Variants in DPP10 observed in about 807,000 individuals in gnomAD.
DPP10 encodes dipeptidyl peptidase like 10.
DPP10 carries 33 observed loss-of-function variants against 120.9 expected under a neutral mutation model. That is an observed-to-expected ratio of 0.27 (90% CI 0.21 to 0.37). The LOEUF (loss-of-function observed/expected upper bound fraction) is 0.37, where lower values mean the gene tolerates loss of function less well. Ranked by LOEUF, DPP10 falls within the 10% of genes least tolerant of loss-of-function variation. DPP10 has a pLI of 1.00. For synonymous variants in DPP10, 337 were observed against 326.1 expected, an observed-to-expected ratio of 1.03 and a Z score of -0.36; for missense variants, 816 against 942.8, an observed-to-expected ratio of 0.87 and a Z score of 1.76.
chr2:115,715,187 A>G (rs1308331984), intron 7 of DPP10, among the ~76,000 whole-genome samples: 3 of 151,766 alleles, frequency 2.0e-5, no homozygotes, highest in Middle Eastern at 6.8e-3. Flanking sequence ...TAAAAACACA[A>G]AATTAGCTGG....
intron 1 of DPP10, among the ~76,000 whole-genome samples, chr2:114,808,893 T>A (rs1323819824): frequency 1.3e-5 from 2 of 152,182 alleles, no homozygotes; most frequent in Admixed American, 6.5e-5. Flanking sequence ...CTATTCTGTT[T>A]TCATCAGATC....
At chr2:115,067,906 TG>T (rs1707050802) in intron 1 of DPP10, among the ~76,000 whole-genome samples, 1 of 143,568 alleles carries the variant, frequency 7.0e-6, no homozygotes, top group Non-Finnish European at 1.5e-5. Context: ...TATTCCTGTG[TG>T]GGTGTGTGGG....
intron 7 of DPP10, among the ~76,000 whole-genome samples, chr2:115,718,957 C>T (rs2092574735): frequency 6.6e-6 from 1 of 152,070 alleles, no homozygotes; most frequent in African/African-American, 2.4e-5. Flanking sequence ...TTTTAAATAA[C>T]AGTTATAATA....
intron 5 of DPP10, among the ~76,000 whole-genome samples, chr2:115,552,333 A>G (rs1900749): frequency 0.21 from 31,491 of 152,070 alleles, 4,504 homozygotes; most frequent in African/African-American, 0.4. Context: ...TGTGTAGGCA[A>G]AGGACAAAGT....
At chr2:115,494,883 T>C (rs1471618726) in intron 3 of DPP10, among the ~76,000 whole-genome samples, 5 of 152,172 alleles carry the variant, frequency 3.3e-5, no homozygotes, top group African/African-American at 1.2e-4. Context: ...AGATAGATTA[T>C]ATATTTATTG....
intron 1 of DPP10, among the ~76,000 whole-genome samples, chr2:114,707,896 C>T (rs1700781839): frequency 6.6e-6 from 1 of 152,172 alleles, no homozygotes; most frequent in South Asian, 2.1e-4. Flanking sequence ...TACAAATTTC[C>T]AATCCCAGGG....
intron 1 of DPP10, among the ~76,000 whole-genome samples, chr2:115,154,879 G>A (rs1447154371): frequency 6.6e-6 from 1 of 151,356 alleles, no homozygotes; most frequent in Non-Finnish European, 1.5e-5. Context: ...AAAAAATTGC[G>A]GTTTTGCCAT....
chr2:115,255,207 C>T (rs867823673), intron 1 of DPP10, among the ~76,000 whole-genome samples: 2 of 152,206 alleles, frequency 1.3e-5, no homozygotes, highest in Non-Finnish European at 2.9e-5. Context: ...TGTGCACCTG[C>T]AGGCTCAACA....
intron 3 of DPP10, among the ~76,000 whole-genome samples, chr2:115,415,256 T>C (rs1466222938): frequency 6.6e-6 from 1 of 152,150 alleles, no homozygotes; most frequent in Non-Finnish European, 1.5e-5. Context: ...GCCAGTTTCA[T>C]TGTTTATGAT....
At chr2:115,024,070 G>T (rs1703273321) in intron 1 of DPP10, among the ~76,000 whole-genome samples, 1 of 152,032 alleles carries the variant, frequency 6.6e-6, no homozygotes, top group Admixed American at 6.6e-5. Flanking sequence ...CACTGCTTGG[G>T]TGATGGGTGC....
At chr2:115,506,239 G>C (rs1467340134) in intron 4 of DPP10, among the ~76,000 whole-genome samples, 1 of 151,984 alleles carries the variant, frequency 6.6e-6, no homozygotes. Context: ...ATAGTATATT[G>C]GAAATATATT....
intron 21 of DPP10, among the ~76,000 whole-genome samples, chr2:115,822,344 A>G (rs1225671762): frequency 6.6e-6 from 1 of 151,964 alleles, no homozygotes; most frequent in Admixed American, 6.6e-5. Flanking sequence ...ATCATATCTT[A>G]ACATCAGATA....
At chr2:115,790,376 G>T (rs927064075) in intron 17 of DPP10, among the ~76,000 whole-genome samples, 2 of 152,162 alleles carry the variant, frequency 1.3e-5, no homozygotes, top group African/African-American at 4.8e-5. Flanking sequence ...ACCGCGCCCG[G>T]CCTAGAAGGC....
intron 1 of DPP10, among the ~76,000 whole-genome samples, chr2:115,252,839 T>A (rs1183378020): frequency 6.6e-6 from 1 of 152,232 alleles, no homozygotes; most frequent in African/African-American, 2.4e-5. Flanking sequence ...AAATCTCTCT[T>A]CTAACCCTCT....
At chr2:115,702,741 T>A (rs2091943269) in intron 7 of DPP10, among the ~76,000 whole-genome samples, 1 of 152,082 alleles carries the variant, frequency 6.6e-6, no homozygotes, top group South Asian at 2.1e-4. Context: ...TGGGACTTCT[T>A]TTTGAGATAA....
Position 115,529,293 on chromosome 2 carries a change from C to T in DPP10, c.441+3321C>T, listed in dbSNP as rs555972449. Among the ~76,000 whole-genome samples the T allele has an allele frequency of 5.3e-5, 8 of 151,928 alleles. No individual in the cohort carries two copies. The East Asian group carries it at 1.6e-3, about 30-fold the overall frequency. Reference sequence around the variant, plus strand: ...CAAGTGATTCTCTTGCCTCAGCCTCCTGAGTAGCTGGGATTACAGGCATGC... The same window carrying T: ...CAAGTGATTCTCTTGCCTCAGCCTCTTGAGTAGCTGGGATTACAGGCATGC... On this transcript the variant is annotated intron_variant, in intron 5 of 25. Transcript: ENST00000410059.
At chr2:115,020,742 T>A (rs940929517) in intron 1 of DPP10, among the ~76,000 whole-genome samples, 1 of 152,002 alleles carries the variant, frequency 6.6e-6, no homozygotes, top group Non-Finnish European at 1.5e-5. Context: ...ACATTCTACA[T>A]TCTCCAAGAT....
At chr2:114,931,446 C>T (rs565986734) in intron 1 of DPP10, among the ~76,000 whole-genome samples, 71 of 152,292 alleles carry the variant, frequency 4.7e-4, no homozygotes, top group African/African-American at 1.4e-3. Flanking sequence ...TTCTAACAAC[C>T]AGTTCTCATG....
At chr2:114,847,628 G>A (rs2106473283) in intron 1 of DPP10, among the ~76,000 whole-genome samples, 1 of 152,282 alleles carries the variant, frequency 6.6e-6, no homozygotes, top group African/African-American at 2.4e-5. Flanking sequence ...GATTACGTGA[G>A]TGTATCTAGA....
Sources: gnomAD v4.1 joint callset for allele counts (sites outside exome capture counted in the v4.1 genomes callset) on GRCh38, gnomAD v4.1.1 for gene constraint, MANE v1.5 for transcripts, NCBI Gene and HGNC (gene_info 2026-07-23, HGNC 2026-07-21) for gene names.